USP12: variants seen among roughly 807,000 people sequenced by gnomAD.
The protein encoded by USP12 is ubiquitin carboxyl-terminal hydrolase 12.
USP12 carries 19 observed loss-of-function variants against 45.5 expected under a neutral mutation model. The ratio of observed to expected loss-of-function variants is 0.42; its 90% CI spans 0.29 to 0.61. The LOEUF (loss-of-function observed/expected upper bound fraction) is 0.61. Ranked by LOEUF, USP12 falls within the 20% of genes least tolerant of loss-of-function variation. The pLI is 0.22. For missense variants in USP12, 242 were observed against 447.7 expected (o/e 0.54, Z 4.15); for synonymous variants, 149 against 148.8 (o/e 1.00, Z -0.01).
rs1364191390 is a variant in USP12, at chr13:27,105,786, T to C, written c.288A>G (p.Lys96=). The change falls in exon 3 of 9, where the codon AAA becomes AAG. Residue 96 remains lysine, a synonymous_variant. Coordinates refer to ENST00000282344, the MANE Select transcript of USP12 (RefSeq NM_182488.4). ...TCTTAGGGGGTATTACTCCAACCTT[T>C]TTCTTCTGAGTGGCTATGCTATGGA... ...DLFHSIATQK[K]KVGVIPPKKF... 16 of 1,613,852 alleles carry C rather than the reference T, an allele frequency of 9.9e-6. No homozygotes were observed. The highest frequency in any genetic ancestry group is 3.3e-4 in the Middle Eastern group (2 of 6,054).
At chr13:27,137,861 G>T (rs990826408) in intron 1 of USP12, among the ~76,000 whole-genome samples, 1 of 152,246 alleles carries the variant, frequency 6.6e-6, no homozygotes, top group Non-Finnish European at 1.5e-5. Flanking sequence ...CATTGGCTTG[G>T]AAGGAGCAAG....
chr13:27,108,145 AATGATAG>A (rs1875234744), intron 2 of USP12, among the ~76,000 whole-genome samples: 1 of 151,878 alleles, frequency 6.6e-6, no homozygotes, highest in South Asian at 2.1e-4. Flanking sequence ...AATGTCCAAC[AATGATAG>A]ACTGGATTAA....
At chr13:27,165,023 C>G (rs964036864) in intron 1 of USP12, among the ~76,000 whole-genome samples, 4 of 148,518 alleles carry the variant, frequency 2.7e-5, no homozygotes, top group Non-Finnish European at 4.4e-5. Context: ...AATGCACACA[C>G]CTTGTTCTAG....
intron 1 of USP12, among the ~76,000 whole-genome samples, chr13:27,148,814 A>ACACACACACACACACACACAC (rs1555238422): frequency 3.3e-5 from 5 of 150,836 alleles, no homozygotes; most frequent in African/African-American, 7.3e-5. Context: ...ACACACACAC[A>ACACACACACACACACACACAC]AAAATCAGGT....
At chr13:27,102,413 A>G (rs761557558) in intron 3 of USP12, among the ~76,000 whole-genome samples, 46 of 137,338 alleles carry the variant, frequency 3.3e-4, no homozygotes, top group Non-Finnish European at 6.6e-4. Flanking sequence ...GTCTTCTCAA[A>G]CAAATCAGAA....
intron 1 of USP12, among the ~76,000 whole-genome samples, chr13:27,128,316 C>T (rs560214544): frequency 2.6e-5 from 4 of 152,282 alleles, no homozygotes; most frequent in Non-Finnish European, 5.9e-5. Flanking sequence ...CTCTGTCAAG[C>T]CTTCACATTT....
rs191866357 is a variant in USP12, at chr13:27,129,103, A to T, written c.49-12507T>A. Among the ~76,000 whole-genome samples, 421 of 152,132 alleles carry T rather than the reference A, an allele frequency of 2.8e-3. 2 individuals are homozygous for T. Among genetic ancestry groups the T allele is most frequent in the Non-Finnish European group, 4.9e-3 (333 of 67,976 alleles). ...TCGGAATATTCCATACACTTCAAATAAAAAAAAGTACTCATATTGTGAACT... is the reference window on the plus strand; with the variant it reads ...TCGGAATATTCCATACACTTCAAATTAAAAAAAGTACTCATATTGTGAACT... On this transcript the variant is annotated intron_variant, in intron 1 of 8. Transcript: ENST00000282344. The surrounding 1 kb of genome is among the most constrained non-coding windows in gnomAD (Gnocchi z 4.0).
intron 1 of USP12, among the ~76,000 whole-genome samples, chr13:27,160,127 AACTC>A (rs932282285): frequency 2.0e-5 from 3 of 152,304 alleles, no homozygotes; most frequent in Non-Finnish European, 2.9e-5. Flanking sequence ...AAGCTGGAAA[AACTC>A]AATAAAGAAA....
intron 1 of USP12, among the ~76,000 whole-genome samples, 177 bp downstream of exon 1, chr13:27,171,415 C>T (rs1185705762): frequency 6.9e-6 from 1 of 145,666 alleles, no homozygotes; most frequent in Non-Finnish European, 1.5e-5. Flanking sequence ...CGCTCACCCC[C>T]GCGCTCCCCG....
chr13:27,151,559 A>G (rs1246283008), intron 1 of USP12, among the ~76,000 whole-genome samples: 2 of 151,830 alleles, frequency 1.3e-5, no homozygotes, highest in Non-Finnish European at 2.9e-5. Context: ...AGGCAAGAGG[A>G]TCCCGAGGGC....
chr13:27,073,823 G>A (rs544480034), intron 7 of USP12, among the ~76,000 whole-genome samples: 1 of 152,140 alleles, frequency 6.6e-6, no homozygotes, highest in Non-Finnish European at 1.5e-5. Context: ...AAAACTGAAG[G>A]CTTTTCAGGA....
At chr13:27,087,099 C>CTGTGTGTGTG (rs72206222) in intron 6 of USP12, among the ~76,000 whole-genome samples, 8 of 147,156 alleles carry the variant, frequency 5.4e-5, no homozygotes, top group East Asian at 2.0e-4. Flanking sequence ...GGGGAAGGGG[C>CTGTGTGTGTG]TGTGTGTGTG....
At chr13:27,157,169 G>GT (rs1877879276) in intron 1 of USP12, among the ~76,000 whole-genome samples, 1 of 152,152 alleles carries the variant, frequency 6.6e-6, no homozygotes, top group Non-Finnish European at 1.5e-5. Flanking sequence ...TATATTCTGC[G>GT]TAATAGTTAT....
At chr13:27,163,773 AAAAAAAAAAAAAG>A (rs1379084412) in intron 1 of USP12, among the ~76,000 whole-genome samples, 12 of 106,604 alleles carry the variant, frequency 1.1e-4, no homozygotes, top group African/African-American at 2.8e-4. Context: ...TGTCTTAAAA[AAAAAAAAAAAAAG>A]AAAAAAAAAA....
chr13:27,128,168 C>CA (rs1332482148), intron 1 of USP12, among the ~76,000 whole-genome samples: 2 of 151,722 alleles, frequency 1.3e-5, no homozygotes, highest in African/African-American at 4.8e-5. Context: ...CACTGGATGC[C>CA]AAAAAAATAA....
intron 4 of USP12, among the ~76,000 whole-genome samples, chr13:27,095,268 G>A (rs911255253): frequency 2.6e-5 from 4 of 152,074 alleles, no homozygotes; most frequent in Non-Finnish European, 5.9e-5. Flanking sequence ...AAGGAAAAAC[G>A]AATTAATATG....
chr13:27,102,969 G>GC (rs1874944938), intron 3 of USP12, among the ~76,000 whole-genome samples: 1 of 152,206 alleles, frequency 6.6e-6, no homozygotes, highest in Admixed American at 6.5e-5. Flanking sequence ...GGAGCACTGT[G>GC]CAACAGTCCT....
intron 2 of USP12, among the ~76,000 whole-genome samples, chr13:27,114,715 T>C (rs1226224715): frequency 6.6e-6 from 1 of 151,940 alleles, no homozygotes; most frequent in African/African-American, 2.4e-5. Context: ...GAGCAACTAC[T>C]CTGTTTAATT....
At position 27,103,607 on chromosome 13, in the gene USP12, A is replaced by AAAAAT. The variant is rs372985958; in HGVS notation, c.343+2123_343+2124insATTTT. 4.7e-3 allele frequency among the ~76,000 whole-genome samples: 607 copies of AAAAAT among 128,500 alleles called. 6 individuals are homozygous for AAAAAT. Among genetic ancestry groups the AAAAAT allele is most frequent in the African/African-American group, 0.017 (573 of 34,044 alleles). 84.3% of individuals were successfully genotyped at this position (128,500 alleles called of 152,430 possible). On this transcript the variant is annotated intron_variant, in intron 3 of 8. Coordinates refer to ENST00000282344, the MANE Select transcript of USP12 (RefSeq NM_182488.4). The stretch of plus-strand genomic sequence containing the variant: ...GTAACTATTGAACTATCAAAAAAAA[A>AAAAAT]AATAATAATAATAATAATAATAAGG...
Sources: gnomAD v4.1 joint callset for allele counts (sites outside exome capture counted in the v4.1 genomes callset) on GRCh38, gnomAD v4.1.1 for gene constraint, Gnocchi (gnomAD v3.1) non-coding constraint, MANE v1.5 for transcripts, NCBI Gene and HGNC (gene_info 2026-07-23, HGNC 2026-07-21) for gene names.